GLCCI1: variants seen among roughly 807,000 people sequenced by gnomAD.
The protein encoded by GLCCI1 is glucocorticoid-induced transcript 1 protein.
GLCCI1 carries 24 observed loss-of-function variants against 52.2 expected under a neutral mutation model. That is an observed-to-expected ratio of 0.46 (90% CI 0.33 to 0.65). GLCCI1 has a LOEUF of 0.65. GLCCI1 is among the 30% of genes least tolerant of loss of function. The pLI, the probability that GLCCI1 is intolerant of heterozygous loss-of-function variation, is 0.02. For synonymous variants in GLCCI1, 310 were observed against 276.5 expected (o/e 1.12, Z -1.20); for missense variants, 704 against 701.5 (o/e 1.00, Z -0.04).
intron 1 of GLCCI1, among the ~76,000 whole-genome samples, chr7:7,982,914 A>T (rs1404734689): frequency 6.6e-6 from 1 of 152,164 alleles, no homozygotes. Flanking sequence ...ATCATGTGCT[A>T]TGAGTATCTT....
At chr7:7,984,912 T>C (rs1780692698) in intron 1 of GLCCI1, among the ~76,000 whole-genome samples, 1 of 152,258 alleles carries the variant, frequency 6.6e-6, no homozygotes, top group Non-Finnish European at 1.5e-5. Flanking sequence ...AAAGATATGC[T>C]TATATTGGAT....
At chr7:8,004,119 T>A in intron 2 of GLCCI1, 60 bp downstream of exon 2, 2 of 1,409,292 alleles carry the variant, frequency 1.4e-6, no homozygotes, top group Non-Finnish European at 1.9e-6. Flanking sequence ...TTGATCACAG[T>A]AAAGAAAATG....
At chr7:8,007,887 C>A (rs1781188380) in intron 2 of GLCCI1, among the ~76,000 whole-genome samples, 1 of 152,016 alleles carries the variant, frequency 6.6e-6, no homozygotes, top group African/African-American at 2.4e-5. Context: ...GACTTTGGAA[C>A]CAGATCATGT....
chr7:7,996,771 G>A (rs1780946576), intron 1 of GLCCI1, among the ~76,000 whole-genome samples: 1 of 152,142 alleles, frequency 6.6e-6, no homozygotes, highest in Admixed American at 6.6e-5. Context: ...TTCTTGATTG[G>A]TTTCTTTCCA....
chr7:8,012,880 CTTTCTTCTTAT>C (rs1290025722), intron 2 of GLCCI1, among the ~76,000 whole-genome samples: 1 of 152,166 alleles, frequency 6.6e-6, no homozygotes. Flanking sequence ...TGTCAGGAAG[CTTTCTTCTTAT>C]TTTCTTCTAA....
At chr7:7,981,777 G>A (rs1780627453) in intron 1 of GLCCI1, 6 of 368,746 alleles carry the variant, frequency 1.6e-5, no homozygotes, top group Non-Finnish European at 2.7e-5. Flanking sequence ...AGTATACAAA[G>A]GAACAGGATA....
intron 3 of GLCCI1, among the ~76,000 whole-genome samples, chr7:8,048,055 G>C (rs543930617): frequency 6.6e-6 from 1 of 152,240 alleles, no homozygotes. Context: ...TGGAGTTGGA[G>C]CTTGGAAAAA....
chr7:7,977,431 G>A (rs757430985), intron 1 of GLCCI1, among the ~76,000 whole-genome samples: 5 of 152,240 alleles, frequency 3.3e-5, no homozygotes, highest in South Asian at 2.1e-4. Flanking sequence ...TAGTATAACC[G>A]GGCTGTTTTC....
intron 1 of GLCCI1, among the ~76,000 whole-genome samples, chr7:7,983,527 A>G (rs1780664128): frequency 6.6e-6 from 1 of 152,168 alleles, no homozygotes; most frequent in African/African-American, 2.4e-5. Flanking sequence ...TCTGTGCTTC[A>G]CCAAATAATA....
chr7:8,051,564 A>T (rs1278963709), intron 3 of GLCCI1, among the ~76,000 whole-genome samples: 1 of 152,192 alleles, frequency 6.6e-6, no homozygotes, highest in African/African-American at 2.4e-5. Context: ...AGAAAATCTT[A>T]TGTGGTGAAG....
intron 5 of GLCCI1, among the ~76,000 whole-genome samples, chr7:8,061,657 C>CTTTTTTTTTTTTTTT (rs61377819): frequency 1.3e-5 from 1 of 78,382 alleles, no homozygotes; most frequent in Admixed American, 1.7e-4. Context: ...CCATTGAACT[C>CTTTTTTTTTTTTTTT]TTTTTTTTTT....
intron 1 of GLCCI1, among the ~76,000 whole-genome samples, chr7:7,979,966 C>T (rs933972511): frequency 4.6e-5 from 7 of 152,206 alleles, no homozygotes; most frequent in African/African-American, 1.2e-4. Context: ...GGCAGTGTCT[C>T]GCTGTGTCAC....
chr7:8,066,359 T>C (rs1417273493), intron 5 of GLCCI1, among the ~76,000 whole-genome samples: 3 of 152,116 alleles, frequency 2.0e-5, no homozygotes, highest in Non-Finnish European at 4.4e-5. Context: ...TAATCTTTTA[T>C]GGTTTTTTGC....
intron 3 of GLCCI1, among the ~76,000 whole-genome samples, chr7:8,039,296 A>G (rs998868476): frequency 1.3e-5 from 2 of 152,198 alleles, no homozygotes; most frequent in African/African-American, 4.8e-5. Context: ...CTCCACTCAC[A>G]TGTTTATTAC....
intron 2 of GLCCI1, among the ~76,000 whole-genome samples, chr7:8,019,411 AT>A (rs1240113363): frequency 6.6e-6 from 1 of 152,156 alleles, no homozygotes; most frequent in African/African-American, 2.4e-5. Flanking sequence ...TATACTGTTT[AT>A]TTTAAATTGA....
At chr7:8,046,179 A>AAATTG (rs200956585) in intron 3 of GLCCI1, among the ~76,000 whole-genome samples, 2,273 of 151,982 alleles carry the variant, frequency 0.015, 36 homozygotes, top group Middle Eastern at 0.024. Flanking sequence ...CTGGGAATTG[A>AAATTG]AAGTTAGGAT....
At position 7,981,856 on chromosome 7, in the gene GLCCI1, A is replaced by G. The variant is rs1384328078; in HGVS notation, c.457+12049A>G. 6.7e-6 allele frequency: 3 copies of G among 445,506 alleles called. No homozygotes were observed. In the East Asian group the frequency reaches 1.9e-4, roughly 28 times the overall value. 27.6% of individuals were successfully genotyped at this position (445,506 alleles called of 1,614,324 possible). ...GAGGCAAAATATAATGTTGTACTAG[A>G]TGAGCAGGCAGAAGACTCCAAGTCA... On this transcript the variant is annotated intron_variant, in intron 1 of 7. Coordinates refer to ENST00000223145, the MANE Select transcript of GLCCI1 (RefSeq NM_138426.4).
At chr7:7,975,062 G>C (rs907283285) in intron 1 of GLCCI1, among the ~76,000 whole-genome samples, 4 of 152,088 alleles carry the variant, frequency 2.6e-5, no homozygotes, top group Non-Finnish European at 5.9e-5. Flanking sequence ...AAAGCCTAGG[G>C]AACTGATGGA....
intron 2 of GLCCI1, among the ~76,000 whole-genome samples, chr7:8,019,289 G>C (rs7796831): frequency 0.63 from 95,153 of 152,016 alleles, 30,517 homozygotes; most frequent in African/African-American, 0.77. Context: ...GACTAAGGAA[G>C]TTTAGTTTTA....
Sources: allele counts gnomAD v4.1 joint callset (sites outside exome capture counted in the v4.1 genomes callset), GRCh38; gene constraint gnomAD v4.1.1; transcripts MANE v1.5; gene names NCBI Gene and HGNC (gene_info 2026-07-23, HGNC 2026-07-21).